Variants in UNC5B observed in about 807,000 individuals in gnomAD.
UNC5B encodes unc-5 netrin receptor B.
UNC5B carries 56 observed loss-of-function variants against 103.7 expected under a neutral mutation model. The ratio of observed to expected loss-of-function variants is 0.54; its 90% CI spans 0.44 to 0.67. The LOEUF (loss-of-function observed/expected upper bound fraction) is 0.67. UNC5B is among the 30% of genes least tolerant of loss of function. UNC5B has a pLI of 0.00. For missense variants in UNC5B, 1,194 were observed against 1,284.5 expected, an observed-to-expected ratio of 0.93 and a Z score of 1.08; for synonymous variants, 577 against 542.0, an observed-to-expected ratio of 1.06 and a Z score of -0.90.
intron 1 of UNC5B, among the ~76,000 whole-genome samples, chr10:71,276,700 C>G (rs1407407459): frequency 6.6e-6 from 1 of 152,224 alleles, no homozygotes; most frequent in African/African-American, 2.4e-5. Flanking sequence ...TCCCAAAATG[C>G]TGGGATTACA....
Position 71,224,223 on chromosome 10 carries a change from A to G in UNC5B, c.79+11159A>G, listed in dbSNP as rs563625634. Among the ~76,000 whole-genome samples the G allele has an allele frequency of 4.3e-4, 65 of 151,058 alleles. 1 individual carries two copies. The South Asian group carries it at 6.5e-3, about 15-fold the overall frequency. ...TCCTCCTGGTCCATCCCACTTCTGT[A>G]TGTAGACACAGACACAGACACACAC... On this transcript the variant is annotated intron_variant, in intron 1 of 16. Transcript: ENST00000335350.
intron 1 of UNC5B, among the ~76,000 whole-genome samples, chr10:71,235,509 G>A (rs996664134): frequency 6.6e-6 from 1 of 152,248 alleles, no homozygotes; most frequent in Non-Finnish European, 1.5e-5. Flanking sequence ...CGTGGTCAGC[G>A]TTCCTCAGCC....
intron 2 of UNC5B, among the ~76,000 whole-genome samples, chr10:71,282,488 C>T (rs1188019044): frequency 6.6e-6 from 1 of 152,156 alleles, no homozygotes; most frequent in East Asian, 1.9e-4. Context: ...TTCTATCCAG[C>T]TATTGGTGCT....
chr10:71,283,085 A>G (rs1030693599), intron 2 of UNC5B, among the ~76,000 whole-genome samples: 3 of 151,656 alleles, frequency 2.0e-5, no homozygotes, highest in Non-Finnish European at 2.9e-5. Flanking sequence ...GCGCCGCTGC[A>G]CTCCAGCCTG....
intron 1 of UNC5B, among the ~76,000 whole-genome samples, chr10:71,258,239 A>T (rs1391452036): frequency 6.6e-6 from 1 of 152,126 alleles, no homozygotes; most frequent in Non-Finnish European, 1.5e-5. Context: ...CTCACTCTCT[A>T]GTGCCACATG....
intron 1 of UNC5B, among the ~76,000 whole-genome samples, chr10:71,269,346 C>CCCT (rs201731902): frequency 7.1e-6 from 1 of 141,168 alleles, no homozygotes; most frequent in Non-Finnish European, 1.6e-5. Context: ...AATGAAGTCC[C>CCCT]CCCCCCACAA....
chr10:71,250,765 T>C (rs1362102375), intron 1 of UNC5B, among the ~76,000 whole-genome samples: 3 of 152,238 alleles, frequency 2.0e-5, no homozygotes, highest in Admixed American at 6.5e-5. Context: ...ATCCCCCTCC[T>C]AGCTCCCAGC....
chr10:71,215,803 C>T (rs986302845), intron 1 of UNC5B, among the ~76,000 whole-genome samples: 10 of 93,634 alleles, frequency 1.1e-4, no homozygotes, highest in Non-Finnish European at 4.3e-5. Flanking sequence ...AGTGTCTCTG[C>T]TTGGTGTGTG....
In UNC5B at chr10:71,285,349, G is replaced by A. The variant is rs1845045594; in HGVS notation, c.472G>A (p.Glu158Lys). ...IAYLRKNFDQ[E>K]PLGKEVPLDH... ...AGACCTGCGCAAGAACTTCGATCAG[G>A]AGCCTCTGGGCAAGGAGGTGCCCCT... Residue 158 changes from glutamate to lysine, a missense_variant, in exon 4 of 17, where the codon GAG (glutamate) becomes AAG (lysine). Transcript: ENST00000335350. 1 of 1,611,322 alleles carries A rather than the reference G, an allele frequency of 6.2e-7. No homozygotes were observed. The highest frequency in any genetic ancestry group is 8.5e-7 in the Non-Finnish European group (1 of 1,179,120).
At position 71,212,665 on chromosome 10, in the gene UNC5B, C is replaced by T. The variant is rs1158353588; in HGVS notation, c.-321C>T. The stretch of plus-strand genomic sequence containing the variant: ...CACTGGGGCTGGGACTGCGCGGCGC[C>T]GCCGCTGCGAGCGCCACTGAGCGGT... On this transcript the variant is annotated 5_prime_UTR_variant, in exon 1 of 17. Coordinates refer to ENST00000335350, the MANE Select transcript of UNC5B (RefSeq NM_170744.5). 4.4e-6 allele frequency: 1 copy of T among 229,166 alleles called. No individual in the cohort carries two copies. Among genetic ancestry groups the T allele is most frequent in the Non-Finnish European group, 8.5e-6 (1 of 118,276 alleles). 14.2% of individuals were successfully genotyped at this position (229,166 alleles called of 1,614,324 possible).
At chr10:71,226,434 T>C (rs1843565819) in intron 1 of UNC5B, among the ~76,000 whole-genome samples, 1 of 152,192 alleles carries the variant, frequency 6.6e-6, no homozygotes, top group African/African-American at 2.4e-5. Context: ...ATCATTAGGG[T>C]CTTTGGAATC....
intron 1 of UNC5B, among the ~76,000 whole-genome samples, chr10:71,265,685 G>A (rs1023813287): frequency 4.6e-5 from 7 of 152,152 alleles, no homozygotes; most frequent in Admixed American, 2.6e-4. Flanking sequence ...GGAGCCGTGC[G>A]CTCCTCTTCC....
At chr10:71,298,138 G>A (rs529894270) in intron 16 of UNC5B, 48 bp downstream of exon 16, 1 of 1,539,690 alleles carries the variant, frequency 6.5e-7, no homozygotes, top group Non-Finnish European at 8.8e-7. Context: ...TCGTCCTCAA[G>A]GTCTCACAGG....
chr10:71,230,601 C>T (rs960733252), intron 1 of UNC5B, among the ~76,000 whole-genome samples: 1 of 152,274 alleles, frequency 6.6e-6, no homozygotes, highest in Non-Finnish European at 1.5e-5. Flanking sequence ...GGCCTCCCCC[C>T]ACATCCCTGG....
intron 1 of UNC5B, among the ~76,000 whole-genome samples, chr10:71,227,591 T>G (rs1843589287): frequency 6.8e-6 from 1 of 147,788 alleles, no homozygotes; most frequent in Non-Finnish European, 1.5e-5. Flanking sequence ...AAAAATAAAT[T>G]TTGTATACAT....
At position 71,213,698 on chromosome 10, in the gene UNC5B, T is replaced by C. The variant is rs942532461; in HGVS notation, c.79+634T>C. 6.8e-6 allele frequency among the ~76,000 whole-genome samples: 1 copy of C among 146,218 alleles called. No individual in the cohort carries two copies. ...AGAATTATTATTATTATTATTATTA[T>C]TATTATTATTAATTTTCTGAGTGTT... On this transcript the variant is annotated intron_variant, in intron 1 of 16. Transcript: ENST00000335350. This position sits in a 1 kb window ranked among gnomAD's most constrained non-coding sequence, Gnocchi z 4.1.
At chr10:71,278,872 T>G (rs1327196496) in intron 1 of UNC5B, among the ~76,000 whole-genome samples, 2 of 152,224 alleles carry the variant, frequency 1.3e-5, no homozygotes, top group African/African-American at 4.8e-5. Flanking sequence ...CATTTGGCAT[T>G]TGGCACTGGA....
chr10:71,279,961 G>A lies in UNC5B; in HGVS notation c.220G>A (p.Ala74Thr), dbSNP rs372528064. 38 of 1,613,962 alleles carry A rather than the reference G, an allele frequency of 2.4e-5. No homozygotes were observed. The highest frequency in any genetic ancestry group is 1.2e-4 in the African/African-American group (9 of 74,938). ...PVELRCRAFP[A>T]TQIYFKCNGE... The stretch of plus-strand genomic sequence containing the variant: ...GGAGCTCCGCTGCCGCGCCTTCCCC[G>A]CCACACAGATCTACTTCAAGTGCAA... Residue 74 changes from alanine to threonine, a missense_variant, in exon 2 of 17, where the codon GCC (alanine) becomes ACC (threonine). Ala to Thr is a moderately conservative substitution (Grantham distance 58, BLOSUM62 0). Transcript: ENST00000335350.
Position 71,296,656 on chromosome 10 carries a change from G to A in UNC5B, c.2404G>A (p.Ala802Thr), listed in dbSNP as rs750342196. The change falls in exon 15 of 17, where the codon GCC becomes ACC. Residue 802 changes from alanine (A) to threonine (T), a missense_variant. Ala to Thr is a moderately conservative substitution (Grantham distance 58). Transcript: ENST00000335350. ...CTFTLERHSL[A>T]STELTCKICV... ...TTTCACCCTGGAGAGGCACAGCTTG[G>A]CCTCCACAGAGCTCACCTGCAAGAT... The A allele has an allele frequency of 1.2e-6, 2 of 1,614,012 alleles. No individual in the cohort carries two copies. Among genetic ancestry groups the A allele is most frequent in the African/African-American group, 1.3e-5 (1 of 74,938 alleles).
Sources: allele counts gnomAD v4.1 joint callset (sites outside exome capture counted in the v4.1 genomes callset), GRCh38; gene constraint gnomAD v4.1.1; non-coding constraint Gnocchi (gnomAD v3.1); transcripts MANE v1.5; gene names NCBI Gene and HGNC (gene_info 2026-07-23, HGNC 2026-07-21).